PTPN13: variants seen among roughly 807,000 people sequenced by gnomAD.
The protein encoded by PTPN13 is tyrosine-protein phosphatase non-receptor type 13.
Under a neutral mutation model 284.0 loss-of-function variants are expected in PTPN13, and 191 were observed. The ratio of observed to expected loss-of-function variants is 0.67; its 90% confidence interval spans 0.60 to 0.76. The LOEUF (loss-of-function observed/expected upper bound fraction) is 0.76, where lower values mean the gene tolerates loss of function less well. PTPN13 is among the 30% of genes least tolerant of loss of function. The pLI is 0.00. For synonymous variants in PTPN13, 986 were observed against 1,022.3 expected, an observed-to-expected ratio of 0.96 and a Z score of 0.68; for missense variants, 2,797 against 2,939.9, an observed-to-expected ratio of 0.95 and a Z score of 1.12.
intron 1 of PTPN13, among the ~76,000 whole-genome samples, chr4:86,605,219 C>T (rs1764646360): frequency 6.6e-6 from 1 of 151,584 alleles, no homozygotes; most frequent in South Asian, 2.1e-4. Context: ...GGGTAAAGGA[C>T]CAATAGTTCC....
chr4:86,597,625 A>G (rs927073236), intron 1 of PTPN13, among the ~76,000 whole-genome samples: 1 of 152,134 alleles, frequency 6.6e-6, no homozygotes, highest in African/African-American at 2.4e-5. Context: ...GAAAATGAAA[A>G]CACCTTTAAG....
At chr4:86,786,319 G>A (rs1056458978) in intron 40 of PTPN13, among the ~76,000 whole-genome samples, 4 of 152,048 alleles carry the variant, frequency 2.6e-5, no homozygotes, top group African/African-American at 7.2e-5. Flanking sequence ...ATACAAATCT[G>A]ACCTTGCTTA....
At chr4:86,738,148 G>T (rs1444517104) in intron 15 of PTPN13, among the ~76,000 whole-genome samples, 2 of 151,300 alleles carry the variant, frequency 1.3e-5, no homozygotes, top group East Asian at 3.9e-4. Flanking sequence ...TTCATTAGTT[G>T]ATAGATATAA....
intron 2 of PTPN13, among the ~76,000 whole-genome samples, chr4:86,641,665 A>T (rs1274061120): frequency 6.6e-6 from 1 of 152,188 alleles, no homozygotes; most frequent in Non-Finnish European, 1.5e-5. Context: ...TGCAATTCTA[A>T]CATGTAGATG....
In PTPN13 at chr4:86,810,017, G is replaced by C. The variant is rs548712476; in HGVS notation, c.7299+33G>C. 49 of 1,560,326 alleles carry C rather than the reference G, an allele frequency of 3.1e-5. No individual in the cohort carries two copies. The East Asian group carries it at 1.1e-3, about 35-fold the overall frequency. On this transcript the variant is annotated intron_variant, in intron 46 of 47. Coordinates refer to ENST00000411767, the MANE Select transcript of PTPN13 (RefSeq NM_080683.3). The stretch of plus-strand genomic sequence containing the variant: ...CAAGATATTGGCTGAGTAAGCATTT[G>C]TTCAGAAATAATGATGGAGTCTAAT...
At chr4:86,656,800 T>A (rs2148830282) in intron 2 of PTPN13, among the ~76,000 whole-genome samples, 1 of 152,338 alleles carries the variant, frequency 6.6e-6, no homozygotes, top group Non-Finnish European at 1.5e-5. Flanking sequence ...TGCCTTTTGT[T>A]TGGCTATGCC....
intron 45 of PTPN13, 92 bp from the exon 46 acceptor site, chr4:86,809,677 C>T (rs774863685): frequency 5.3e-4 from 641 of 1,207,532 alleles, no homozygotes; most frequent in Non-Finnish European, 7.2e-4. Flanking sequence ...GACAACAGAA[C>T]GAGACCCTAT....
At chr4:86,765,877 G>A (rs1270771502) in intron 26 of PTPN13, among the ~76,000 whole-genome samples, 1 of 151,850 alleles carries the variant, frequency 6.6e-6, no homozygotes. Flanking sequence ...ACCCAGGCTG[G>A]AGTGCAGTGG....
chr4:86,657,963 C>T (rs149642059), intron 2 of PTPN13, among the ~76,000 whole-genome samples: 1,732 of 152,274 alleles, frequency 0.011, 10 homozygotes, highest in Non-Finnish European at 0.013. Flanking sequence ...TGGTTTTGCC[C>T]TGGGTTGCAT....
chr4:86,807,918 C>T (rs1307454827), intron 45 of PTPN13, 21 bp downstream of exon 45: 2 of 1,583,386 alleles, frequency 1.3e-6, no homozygotes, highest in African/African-American at 1.3e-5. Context: ...GAAATCTTTC[C>T]CTGTTGGAAG....
intron 1 of PTPN13, among the ~76,000 whole-genome samples, chr4:86,628,038 G>T (rs1475066318): frequency 6.6e-6 from 1 of 152,068 alleles, no homozygotes; most frequent in Non-Finnish European, 1.5e-5. Context: ...ACAGGTCTTT[G>T]TATGGACATA....
At chr4:86,742,549 A>G (rs561774807) in intron 16 of PTPN13, among the ~76,000 whole-genome samples, 31 of 152,332 alleles carry the variant, frequency 2.0e-4, no homozygotes, top group African/African-American at 7.2e-4. Context: ...TCAGCAAAAC[A>G]GTATTTATAA....
chr4:86,733,563 A>T (rs1290876398), intron 12 of PTPN13, among the ~76,000 whole-genome samples: 1 of 152,108 alleles, frequency 6.6e-6, no homozygotes, highest in Non-Finnish European at 1.5e-5. Flanking sequence ...ATTGTGCCTT[A>T]AAAATGAATA....
At chr4:86,700,327 T>G (rs961895339) in intron 6 of PTPN13, among the ~76,000 whole-genome samples, 1 of 152,158 alleles carries the variant, frequency 6.6e-6, no homozygotes, top group African/African-American at 2.4e-5. Flanking sequence ...TTATGGGCTA[T>G]TGAGTTAGTG....
intron 20 of PTPN13, among the ~76,000 whole-genome samples, chr4:86,757,653 A>G (rs894940926): frequency 1.3e-5 from 2 of 151,472 alleles, no homozygotes; most frequent in Non-Finnish European, 2.9e-5. Context: ...CGTACTAGCT[A>G]TTCAGGAAGC....
At chr4:86,743,771 C>A (rs1430848713) in intron 16 of PTPN13, among the ~76,000 whole-genome samples, 1 of 152,118 alleles carries the variant, frequency 6.6e-6, no homozygotes, top group Non-Finnish European at 1.5e-5. Context: ...GGATTGAAGT[C>A]TGGGTAATAC....
intron 1 of PTPN13, among the ~76,000 whole-genome samples, chr4:86,616,986 A>G (rs1251611200): frequency 2.0e-5 from 3 of 151,950 alleles, no homozygotes; most frequent in African/African-American, 7.3e-5. Flanking sequence ...GTTTGAGGAA[A>G]AAATCTTGTA....
At chr4:86,599,657 A>G (rs1007721812) in intron 1 of PTPN13, among the ~76,000 whole-genome samples, 2 of 152,284 alleles carry the variant, frequency 1.3e-5, no homozygotes, top group African/African-American at 4.8e-5. Flanking sequence ...CTGAAATGGC[A>G]TATATATAAT....
chr4:86,605,202 G>A (rs1209830647), intron 1 of PTPN13, among the ~76,000 whole-genome samples: 1 of 151,996 alleles, frequency 6.6e-6, no homozygotes, highest in Non-Finnish European at 1.5e-5. Context: ...TGCCTTAGGA[G>A]AGTGGAGGGT....
Sources: gnomAD v4.1 joint callset for allele counts (sites outside exome capture counted in the v4.1 genomes callset) on GRCh38, gnomAD v4.1.1 for gene constraint, MANE v1.5 for transcripts, NCBI Gene and HGNC (gene_info 2026-07-23, HGNC 2026-07-21) for gene names.